The following PGS1 variants were observed in gnomAD, a reference collection of about 807,000 sequenced individuals.
The protein encoded by PGS1 is phosphatidylglycerophosphate synthase 1.
Under a neutral mutation model 58.3 loss-of-function variants are expected in PGS1, and 44 were observed. That is an observed-to-expected ratio of 0.75 (90% confidence interval 0.59 to 0.97). PGS1 has a LOEUF of 0.97. Among genes scored for constraint, PGS1 ranks in the 50% least tolerant of loss-of-function variants. PGS1 has a pLI of 0.00. For missense variants in PGS1, 684 were observed against 731.1 expected, an observed-to-expected ratio of 0.94 and a Z score of 0.74; for synonymous variants, 330 against 311.0, an observed-to-expected ratio of 1.06 and a Z score of -0.64.
intron 7 of PGS1, among the ~76,000 whole-genome samples, chr17:78,406,673 G>A (rs1186143652): frequency 6.6e-6 from 1 of 152,232 alleles, no homozygotes; most frequent in East Asian, 1.9e-4. Context: ...AAGTATTTTT[G>A]GATTGGCGTT....
At chr17:78,417,867 G>T (rs1253627852) in intron 8 of PGS1, among the ~76,000 whole-genome samples, 2 of 151,304 alleles carry the variant, frequency 1.3e-5, no homozygotes, top group South Asian at 2.1e-4. Flanking sequence ...TTGGAGGGCA[G>T]ACTCTTACAA....
In PGS1 at chr17:78,400,193, TG is replaced by T. The variant is rs1298842773; in HGVS notation, c.702-482del. 2.8e-5 allele frequency: 5 copies of T among 179,846 alleles called. No individual in the cohort carries two copies. Among genetic ancestry groups the T allele is most frequent in the Non-Finnish European group, 5.9e-5 (5 of 85,080 alleles). The allele number at this position is 179,846 out of a possible 1,614,324, so 11.1% of individuals were successfully genotyped here. ...TGACGTTAGAAGTTCAAGACCAGCC[TG>T]GACAACATGGTGAAGCCCCGTCTCT... On this transcript the variant is annotated intron_variant, in intron 5 of 9. Transcript: ENST00000262764. The surrounding 1 kb of genome is among the most constrained non-coding windows in gnomAD (Gnocchi z 4.4).
chr17:78,381,356 T>C (rs973610522), intron 1 of PGS1, among the ~76,000 whole-genome samples: 1 of 152,240 alleles, frequency 6.6e-6, no homozygotes, highest in Non-Finnish European at 1.5e-5. Context: ...TTTTGCTTTG[T>C]AATCCTCGGA....
At chr17:78,393,270 C>A (rs923373135) in intron 2 of PGS1, among the ~76,000 whole-genome samples, 13 of 151,448 alleles carry the variant, frequency 8.6e-5, no homozygotes, top group Admixed American at 5.3e-4. Context: ...CTGTGTTAGC[C>A]AGGATGGTCT....
chr17:78,392,370 G>C, intron 1 of PGS1, 106 bp from the exon 2 acceptor site: 1 of 688,054 alleles, frequency 1.5e-6, no homozygotes, highest in South Asian at 2.1e-5. Context: ...CACAAGCAAC[G>C]CACCCATCTC....
chr17:78,411,024 C>T (rs917713267), intron 7 of PGS1, among the ~76,000 whole-genome samples: 1 of 152,132 alleles, frequency 6.6e-6, no homozygotes, highest in Non-Finnish European at 1.5e-5. Context: ...AAGAGCAGAG[C>T]AAGAGAAGGC....
At chr17:78,423,674 G>A (rs568715759) in intron 9 of PGS1, 13 of 526,036 alleles carry the variant, frequency 2.5e-5, no homozygotes, top group Non-Finnish European at 3.7e-5. Context: ...GTGGCCATCA[G>A]GCACAGAATG....
chr17:78,414,236 A>T (rs964773120), intron 7 of PGS1, among the ~76,000 whole-genome samples: 5 of 152,194 alleles, frequency 3.3e-5, no homozygotes, highest in Non-Finnish European at 7.3e-5. Context: ...CAGGACCTGT[A>T]AGGCAGCCAG....
Position 78,414,875 on chromosome 17 carries a change from G to A in PGS1, c.1403-4G>A, listed in dbSNP as rs371331254. 3.9e-5 allele frequency: 63 copies of A among 1,613,584 alleles called. No homozygotes were observed. Among genetic ancestry groups the A allele is most frequent in the Non-Finnish European group, 5.3e-5 (62 of 1,179,760 alleles). ...CCTGTCTGCACGTTTCCTTTTCCCC[G>A]CAGGCCTCTGGCTGTACCTGGCAGG... On this transcript the variant is annotated splice_polypyrimidine_tract_variant and splice_region_variant and intron_variant, in intron 7 of 9. Coordinates refer to ENST00000262764, the MANE Select transcript of PGS1 (RefSeq NM_024419.5).
In PGS1 at chr17:78,378,736, G is replaced by A. The variant is rs1478854495; in HGVS notation, c.71G>A (p.Arg24His). ...CGACTGCTGGGCCTCCTGCCTGGCC[G>A]CCCAGGGCTGGCCGCGCTCCTGGGA... is the stretch of plus-strand genomic sequence containing the variant. ...WRRLLGLLPG[R>H]PGLAALLGRL... The change falls in exon 1 of 10, where the codon CGC (arginine) becomes CAC (histidine). Residue 24 changes from arginine (R) to histidine (H), a missense_variant. Physicochemically the swap from Arg to His is conservative, Grantham distance 29. Coordinates refer to ENST00000262764, the MANE Select transcript of PGS1 (RefSeq NM_024419.5). The A allele has an allele frequency of 1.3e-6, 2 of 1,510,330 alleles. No homozygotes were observed. Among genetic ancestry groups the A allele is most frequent in the Non-Finnish European group, 1.8e-6 (2 of 1,135,868 alleles). The allele number at this position is 1,510,330 out of a possible 1,614,324, so 93.6% of individuals were successfully genotyped here.
At chr17:78,397,489 T>A (rs1199955129) in intron 3 of PGS1, among the ~76,000 whole-genome samples, 2 of 140,606 alleles carry the variant, frequency 1.4e-5, no homozygotes, top group African/African-American at 5.2e-5. Context: ...CAGGCTGGAG[T>A]GCAATGGCGC....
chr17:78,393,147 G>A (rs1470721518), intron 2 of PGS1, among the ~76,000 whole-genome samples: 1 of 151,130 alleles, frequency 6.6e-6, no homozygotes, highest in Admixed American at 6.6e-5. Context: ...TGCAAGCTCC[G>A]CCTCTCGGGT....
intron 7 of PGS1, among the ~76,000 whole-genome samples, chr17:78,410,693 T>G (rs953837023): frequency 2.0e-5 from 3 of 152,000 alleles, no homozygotes; most frequent in African/African-American, 4.8e-5. Context: ...AGGCTGGTTT[T>G]GAACTCCTGA....
intron 8 of PGS1, among the ~76,000 whole-genome samples, chr17:78,417,440 C>T (rs1297565625): frequency 1.3e-5 from 2 of 152,162 alleles, no homozygotes; most frequent in African/African-American, 4.8e-5. Context: ...CATGGACCCA[C>T]GATGGGGCCC....
intron 7 of PGS1, among the ~76,000 whole-genome samples, chr17:78,410,295 T>C (rs1036925931): frequency 2.0e-5 from 3 of 148,758 alleles, no homozygotes; most frequent in African/African-American, 7.4e-5. Flanking sequence ...TGGGCATGGT[T>C]ACAGCCGCCT....
intron 7 of PGS1, among the ~76,000 whole-genome samples, chr17:78,410,360 C>T (rs988097164): frequency 4.6e-5 from 7 of 151,548 alleles, no homozygotes; most frequent in African/African-American, 9.7e-5. Flanking sequence ...ACCCAGGAGC[C>T]GGAGGTTGCA....
chr17:78,416,145 G>A (rs1300467712), intron 8 of PGS1, among the ~76,000 whole-genome samples: 1 of 152,176 alleles, frequency 6.6e-6, no homozygotes, highest in Non-Finnish European at 1.5e-5. Flanking sequence ...ACCACGACAG[G>A]CGCAAGAGGA....
chr17:78,382,216 G>A, intron 1 of PGS1, among the ~76,000 whole-genome samples: 1 of 152,170 alleles, frequency 6.6e-6, no homozygotes, highest in Non-Finnish European at 1.5e-5. Context: ...GAGCTGACTA[G>A]GGGTACCGAG....
At chr17:78,423,269 C>T (rs1376700593) in intron 9 of PGS1, among the ~76,000 whole-genome samples, 1 of 152,186 alleles carries the variant, frequency 6.6e-6, no homozygotes, top group East Asian at 1.9e-4. Flanking sequence ...CCGTGTCCTG[C>T]ATCAGCCCAG....
Sources: gnomAD v4.1 joint callset for allele counts (sites outside exome capture counted in the v4.1 genomes callset) on GRCh38, gnomAD v4.1.1 for gene constraint, Gnocchi (gnomAD v3.1) non-coding constraint, MANE v1.5 for transcripts, NCBI Gene and HGNC (gene_info 2026-07-23, HGNC 2026-07-21) for gene names.